Variants in TMEM163 observed in about 807,000 individuals in gnomAD.
The protein encoded by TMEM163 is transmembrane protein 163.
In TMEM163, 17 loss-of-function variants were observed where a neutral mutation model predicts 29.3. The ratio of observed to expected loss-of-function variants is 0.58; its 90% CI spans 0.40 to 0.87. TMEM163 has a LOEUF of 0.87. TMEM163 is among the 40% of genes least tolerant of loss of function. TMEM163 has a pLI of 0.00. For missense variants in TMEM163, 303 were observed against 381.5 expected (o/e 0.79, Z 1.71); for synonymous variants, 157 against 160.6 (o/e 0.98, Z 0.17).
Position 134,713,204 on chromosome 2 carries a change from G to A in TMEM163, c.318C>T (p.Ala106=), listed in dbSNP as rs758775523. ...IIVTLALAVA[A]FTVSVMRYSA... ...GACGAGACCCTTGATACTCACTAAA[G>A]GCAGCCACCGCGAGGGCCAGGGTGA... The change falls in exon 2 of 8, where the codon GCC becomes GCT. Residue 106 remains alanine, a synonymous_variant. Coordinates refer to ENST00000281924, the MANE Select transcript of TMEM163 (RefSeq NM_030923.5). The A allele has an allele frequency of 1.2e-6, 2 of 1,614,052 alleles. No homozygotes were observed. Among genetic ancestry groups the A allele is most frequent in the African/African-American group, 1.3e-5 (1 of 75,022 alleles).
chr2:134,485,253 C>T lies in TMEM163; in HGVS notation c.555+17648G>A, dbSNP rs564612148. 4.6e-5 allele frequency among the ~76,000 whole-genome samples: 7 copies of T among 152,308 alleles called. No homozygotes were observed. In the East Asian group the frequency reaches 1.3e-3, roughly 29 times the overall value. ...GATAGTTGGTCAAAATCATCTAACA[C>T]AAAGCCTGTTTTATAATCAAGTATG... On this transcript the variant is annotated intron_variant, in intron 5 of 7. Coordinates refer to ENST00000281924, the MANE Select transcript of TMEM163 (RefSeq NM_030923.5).
intron 4 of TMEM163, among the ~76,000 whole-genome samples, chr2:134,513,088 A>T (rs560381177): frequency 5.1e-4 from 77 of 152,328 alleles, no homozygotes; most frequent in African/African-American, 1.8e-3. Flanking sequence ...GTTCAGGGAT[A>T]TATTCTGAAG....
intron 2 of TMEM163, among the ~76,000 whole-genome samples, chr2:134,659,094 C>A (rs1683688561): frequency 6.6e-6 from 1 of 152,206 alleles, no homozygotes; most frequent in Non-Finnish European, 1.5e-5. Context: ...TGGCCTACTG[C>A]TCCTAGGCTA....
intron 2 of TMEM163, among the ~76,000 whole-genome samples, chr2:134,663,874 A>C (rs1183999597): frequency 6.6e-6 from 1 of 152,214 alleles, no homozygotes; most frequent in Admixed American, 6.5e-5. Flanking sequence ...GCTACCACTG[A>C]AGCCTTGACA....
chr2:134,546,412 G>T (rs1021346345), intron 4 of TMEM163, among the ~76,000 whole-genome samples: 1 of 152,194 alleles, frequency 6.6e-6, no homozygotes, highest in African/African-American at 2.4e-5. Context: ...AGAGGTCAAG[G>T]CAGGCAGATC....
At chr2:134,548,856 C>A (rs925299010) in intron 4 of TMEM163, among the ~76,000 whole-genome samples, 1 of 152,066 alleles carries the variant, frequency 6.6e-6, no homozygotes, top group African/African-American at 2.4e-5. Context: ...TGACTGTGAC[C>A]AGTCACATGA....
chr2:134,490,460 C>T (rs1679405279), intron 5 of TMEM163, among the ~76,000 whole-genome samples: 1 of 152,160 alleles, frequency 6.6e-6, no homozygotes, highest in Non-Finnish European at 1.5e-5. Context: ...GTCAGCCTGG[C>T]TTCCATGTTC....
intron 6 of TMEM163, among the ~76,000 whole-genome samples, chr2:134,465,189 T>TAAAAAAAAAAAAAAAAAAA (rs1181405890): frequency 2.5e-5 from 3 of 117,704 alleles, no homozygotes; most frequent in African/African-American, 1.1e-4. Flanking sequence ...TCCGCATCTT[T>TAAAAAAAAAAAAAAAAAAA]AAAAAAAAAA....
At chr2:134,658,028 T>TA (rs1181590018) in intron 2 of TMEM163, among the ~76,000 whole-genome samples, 1 of 152,008 alleles carries the variant, frequency 6.6e-6, no homozygotes, top group Non-Finnish European at 1.5e-5. Flanking sequence ...GACAAATAAA[T>TA]AAACATTTGC....
At chr2:134,525,342 G>T (rs947783787) in intron 4 of TMEM163, among the ~76,000 whole-genome samples, 4 of 152,194 alleles carry the variant, frequency 2.6e-5, no homozygotes, top group Admixed American at 1.3e-4. Flanking sequence ...AGATTCTGAG[G>T]CCCCTGGAGT....
At chr2:134,551,763 A>G (rs1378756149) in intron 3 of TMEM163, among the ~76,000 whole-genome samples, 1 of 152,186 alleles carries the variant, frequency 6.6e-6, no homozygotes, top group African/African-American at 2.4e-5. Context: ...GTCCACATAC[A>G]ACCTGGAAGG....
chr2:134,535,346 T>C (rs1373013431), intron 4 of TMEM163, among the ~76,000 whole-genome samples: 2 of 152,214 alleles, frequency 1.3e-5, no homozygotes, highest in African/African-American at 2.4e-5. Context: ...CTAACACCCA[T>C]GTAGCAACAA....
At chr2:134,716,903 CG>C (rs1358834156) in intron 1 of TMEM163, among the ~76,000 whole-genome samples, 1 of 152,152 alleles carries the variant, frequency 6.6e-6, no homozygotes, top group African/African-American at 2.4e-5. Context: ...CACACAGCAC[CG>C]GGTTCTTTGG....
At chr2:134,654,158 C>T (rs1683545543) in intron 2 of TMEM163, among the ~76,000 whole-genome samples, 1 of 119,970 alleles carries the variant, frequency 8.3e-6, no homozygotes, top group East Asian at 2.1e-4. Flanking sequence ...GTTAAAGTCT[C>T]CCATTATTAA....
intron 2 of TMEM163, among the ~76,000 whole-genome samples, chr2:134,608,442 G>A (rs1194839433): frequency 4.2e-4 from 2 of 4,710 alleles, no homozygotes; most frequent in Non-Finnish European, 9.0e-4. Context: ...CGAGAACTGT[G>A]CTGGTGAAAA....
At position 134,505,607 on chromosome 2, in the gene TMEM163, C is replaced by T. The variant is rs569039470; in HGVS notation, c.459-2610G>A. 8.5e-5 allele frequency among the ~76,000 whole-genome samples: 13 copies of T among 152,236 alleles called. No homozygotes were observed. The East Asian group carries it at 1.5e-3, about 18-fold the overall frequency. On this transcript the variant is annotated intron_variant, in intron 4 of 7. Transcript: ENST00000281924. ...CACAACTTGCGTGCTATACTCTACACGCAATTTGTCACCATATCCCCAAGG... is the reference window on the plus strand; with the variant it reads ...CACAACTTGCGTGCTATACTCTACATGCAATTTGTCACCATATCCCCAAGG...
At chr2:134,464,692 T>C (rs1686624173) in intron 6 of TMEM163, among the ~76,000 whole-genome samples, 2 of 152,084 alleles carry the variant, frequency 1.3e-5, no homozygotes, top group African/African-American at 2.4e-5. Context: ...CAGGGACTCC[T>C]GGCTCCCCAA....
At chr2:134,504,230 G>A (rs1174267776) in intron 4 of TMEM163, among the ~76,000 whole-genome samples, 2 of 152,278 alleles carry the variant, frequency 1.3e-5, no homozygotes, top group Admixed American at 6.5e-5. Flanking sequence ...GCAGGTAAGC[G>A]AGGCTGCTTG....
At chr2:134,486,611 T>C (rs749684276) in intron 5 of TMEM163, among the ~76,000 whole-genome samples, 10 of 152,190 alleles carry the variant, frequency 6.6e-5, no homozygotes, top group Non-Finnish European at 1.0e-4. Flanking sequence ...CTATAAAATA[T>C]ATTGGATCTT....
Sources: gnomAD v4.1 joint callset for allele counts (sites outside exome capture counted in the v4.1 genomes callset) on GRCh38, gnomAD v4.1.1 for gene constraint, MANE v1.5 for transcripts, NCBI Gene and HGNC (gene_info 2026-07-23, HGNC 2026-07-21) for gene names.